Variants in UGT1A10 observed in about 807,000 individuals in gnomAD.
UGT1A10 encodes the protein UDP glucuronosyltransferase family 1 member A10.
In UGT1A10, 49 loss-of-function variants were observed where a neutral mutation model predicts 45.8. The ratio of observed to expected loss-of-function variants is 1.07; its 90% confidence interval spans 0.85 to 1.36. The LOEUF (loss-of-function observed/expected upper bound fraction) is 1.36. UGT1A10 is among the 40% of genes most tolerant of loss of function. The probability of loss-of-function intolerance (pLI) is 0.00; values close to 1 mark genes in which losing one functional copy is unlikely to be tolerated. For synonymous variants in UGT1A10, 284 were observed against 249.7 expected (o/e 1.14, Z -1.29); for missense variants, 745 against 668.6 (o/e 1.11, Z -1.26).
intron 1 of UGT1A10, among the ~76,000 whole-genome samples, chr2:233,675,296 G>A (rs1338282324): frequency 6.6e-6 from 1 of 152,098 alleles, no homozygotes; most frequent in Non-Finnish European, 1.5e-5. Context: ...ACATTCCAGC[G>A]TTCTAATGTG....
Position 233,643,756 on chromosome 2 carries a change from A to G in UGT1A10, c.855+6379A>G, listed in dbSNP as rs577759169. On this transcript the variant is annotated intron_variant, in intron 1 of 4. Transcript: ENST00000344644. ...TTCAGGTTCCAAGGTCTCTTCAGTTAGCAGGCGATGAACGCTGGCAGGACT... is the reference window on the plus strand; with the variant it reads ...TTCAGGTTCCAAGGTCTCTTCAGTTGGCAGGCGATGAACGCTGGCAGGACT... Among the ~76,000 whole-genome samples, 41 of 152,268 alleles carry G rather than the reference A, an allele frequency of 2.7e-4. No individual in the cohort carries two copies. In the South Asian group the frequency reaches 7.7e-3, roughly 28 times the overall value.
At chr2:233,670,095 G>A (rs1299927716) in intron 1 of UGT1A10, among the ~76,000 whole-genome samples, 1 of 152,210 alleles carries the variant, frequency 6.6e-6, no homozygotes, top group Admixed American at 6.5e-5. Flanking sequence ...CATGTTATAT[G>A]TGTTATATAC....
intron 1 of UGT1A10, chr2:233,717,938 T>A (rs2076617026): frequency 8.8e-6 from 4 of 453,788 alleles, no homozygotes; most frequent in East Asian, 7.0e-5. Context: ...TCAGTCTCTA[T>A]GCAGACTTGC....
At chr2:233,658,018 C>CTT (rs34352422) in intron 1 of UGT1A10, among the ~76,000 whole-genome samples, 13 of 128,062 alleles carry the variant, frequency 1.0e-4, no homozygotes, top group African/African-American at 2.3e-4. Flanking sequence ...GTTTCCTCCT[C>CTT]TTTTTTTTTT....
chr2:233,728,724 A>G (rs2077744422), intron 1 of UGT1A10, among the ~76,000 whole-genome samples: 1 of 152,220 alleles, frequency 6.6e-6, no homozygotes, highest in African/African-American at 2.4e-5. Flanking sequence ...AGCAGAGAGC[A>G]TATGACTGGG....
intron 1 of UGT1A10, among the ~76,000 whole-genome samples, chr2:233,727,538 C>T (rs1400378467): frequency 2.6e-5 from 4 of 152,150 alleles, no homozygotes; most frequent in African/African-American, 7.2e-5. Context: ...CAGGCGTGTT[C>T]CACCCGTCAC....
chr2:233,771,063 C>G (rs913473960), intron 4 of UGT1A10: 3 of 152,106 alleles, frequency 2.0e-5, no homozygotes, highest in Admixed American at 1.3e-4. Flanking sequence ...ATGACCGGCT[C>G]TCACAATAAC....
intron 1 of UGT1A10, among the ~76,000 whole-genome samples, chr2:233,746,609 G>T (rs1693438310): frequency 6.6e-6 from 1 of 151,680 alleles, no homozygotes; most frequent in Admixed American, 6.5e-5. Flanking sequence ...CTGTTCACCT[G>T]ACCCCTCCTT....
chr2:233,766,327 G>A (rs373926451), intron 1 of UGT1A10, among the ~76,000 whole-genome samples: 29 of 152,248 alleles, frequency 1.9e-4, no homozygotes, highest in East Asian at 9.7e-4. Context: ...CAAACTCCGC[G>A]TTGTTCTGCT....
chr2:233,771,951 C>G (rs1331596370), intron 4 of UGT1A10, among the ~76,000 whole-genome samples: 6 of 152,070 alleles, frequency 3.9e-5, no homozygotes, highest in Admixed American at 2.0e-4. Context: ...CTTGTTTCTA[C>G]AAAAAATTTA....
intron 1 of UGT1A10, chr2:233,761,197 G>T (rs369591851): frequency 8.1e-6 from 13 of 1,614,114 alleles, no homozygotes; most frequent in Non-Finnish European, 1.1e-5. Flanking sequence ...TCTTTCAGAT[G>T]TATTACTTTG....
intron 1 of UGT1A10, among the ~76,000 whole-genome samples, chr2:233,646,646 C>A (rs1410917684): frequency 2.0e-5 from 3 of 152,208 alleles, no homozygotes; most frequent in Admixed American, 6.5e-5. Flanking sequence ...CAAGAGTCAC[C>A]TTTCCTCCAG....
chr2:233,690,002 C>T (rs897085594), intron 1 of UGT1A10: 2 of 449,522 alleles, frequency 4.4e-6, no homozygotes, highest in African/African-American at 4.0e-5. Context: ...CTCACTTCAT[C>T]TCACCATTTT....
intron 1 of UGT1A10, chr2:233,713,278 ACACT>A: frequency 6.2e-7 from 1 of 1,614,252 alleles, no homozygotes; most frequent in Non-Finnish European, 8.5e-7. Context: ...TTGCTGGGTC[ACACT>A]CAATCGTTCT....
intron 1 of UGT1A10, among the ~76,000 whole-genome samples, chr2:233,642,887 A>T (rs1044286397): frequency 2.0e-4 from 28 of 142,798 alleles, no homozygotes; most frequent in African/African-American, 6.9e-4. Flanking sequence ...TCTCTCTCTC[A>T]CTCTCTCTCT....
intron 1 of UGT1A10, among the ~76,000 whole-genome samples, chr2:233,706,438 T>C (rs980431850): frequency 1.4e-4 from 21 of 152,242 alleles, no homozygotes; most frequent in African/African-American, 4.6e-4. Context: ...ACAGACTTGG[T>C]CAAAGCAAAT....
At chr2:233,768,166 A>G in intron 3 of UGT1A10, 54 bp from the exon 4 acceptor site, 2 of 1,613,684 alleles carry the variant, frequency 1.2e-6, no homozygotes, top group Non-Finnish European at 1.7e-6. Flanking sequence ...AGATGTGTCC[A>G]GCTGTGAAAC....
In UGT1A10 at chr2:233,734,906, CA is replaced by C. The variant is rs200128219; in HGVS notation, c.856-32127del. Reference sequence around the variant, plus strand: ...GTTTGTTGTGATTTCTATTCTTTTACATTTGCTAAGGAGTGCTTTACTTACA... The same window carrying C: ...GTTTGTTGTGATTTCTATTCTTTTACTTTGCTAAGGAGTGCTTTACTTACA... On this transcript the variant is annotated intron_variant, in intron 1 of 4. Coordinates refer to ENST00000344644, the MANE Select transcript of UGT1A10 (RefSeq NM_019075.4). Among the ~76,000 whole-genome samples, 55 of 152,278 alleles carry C rather than the reference CA, an allele frequency of 3.6e-4. No homozygotes were observed. The East Asian group carries it at 0.011, about 29-fold the overall frequency.
At chr2:233,743,095 G>C (rs1692201542) in intron 1 of UGT1A10, 3 of 349,024 alleles carry the variant, frequency 8.6e-6, no homozygotes, top group African/African-American at 6.5e-5. Flanking sequence ...ATAAATTCTT[G>C]GGTACAGCTG....
Sources: allele counts gnomAD v4.1 joint callset (sites outside exome capture counted in the v4.1 genomes callset), GRCh38; gene constraint gnomAD v4.1.1; transcripts MANE v1.5; gene names NCBI Gene and HGNC (gene_info 2026-07-23, HGNC 2026-07-21).